The following PTPRG variants were observed in gnomAD, a reference collection of about 807,000 sequenced individuals.
PTPRG encodes the protein receptor-type tyrosine-protein phosphatase gamma.
A neutral mutation model predicts 165.3 loss-of-function variants in PTPRG; 102 were observed. The ratio of observed to expected loss-of-function variants is 0.62; its 90% CI spans 0.53 to 0.73. The LOEUF (loss-of-function observed/expected upper bound fraction) is 0.73, where lower values mean the gene tolerates loss of function less well. Among genes scored for constraint, PTPRG ranks in the 30% least tolerant of loss-of-function variants. PTPRG has a pLI of 0.00. For missense variants in PTPRG, 1,866 were observed against 1,861.4 expected, an observed-to-expected ratio of 1.00 and a Z score of -0.05; for synonymous variants, 675 against 669.5, an observed-to-expected ratio of 1.01 and a Z score of -0.13.
chr3:61,821,327 G>A (rs532726998), intron 2 of PTPRG, among the ~76,000 whole-genome samples: 1 of 151,890 alleles, frequency 6.6e-6, no homozygotes, highest in Non-Finnish European at 1.5e-5. Flanking sequence ...CTGCCACCTC[G>A]CCTGGCTACT....
chr3:61,994,565 C>G (rs1465704731), intron 3 of PTPRG, among the ~76,000 whole-genome samples: 2 of 152,102 alleles, frequency 1.3e-5, no homozygotes, highest in Non-Finnish European at 2.9e-5. Context: ...ATGGGGAAGT[C>G]AAGAGTCATT....
intron 4 of PTPRG, among the ~76,000 whole-genome samples, chr3:62,034,101 G>A (rs768500716): frequency 2.6e-5 from 4 of 152,146 alleles, no homozygotes; most frequent in Non-Finnish European, 5.9e-5. Context: ...GATAATACAA[G>A]CTAATACAGG....
chr3:62,129,401 G>A, intron 5 of PTPRG, among the ~76,000 whole-genome samples: 1 of 152,180 alleles, frequency 6.6e-6, no homozygotes, highest in Non-Finnish European at 1.5e-5. Flanking sequence ...GTCACAGAAT[G>A]CCACACTGGG....
At chr3:62,156,952 A>G in intron 6 of PTPRG, 115 bp from the exon 7 acceptor site, 1 of 955,642 alleles carries the variant, frequency 1.0e-6, no homozygotes, top group African/African-American at 1.6e-5. Context: ...TCAGGATATA[A>G]ACAAACATAA....
chr3:61,569,120 C>T (rs1020103591), intron 1 of PTPRG, among the ~76,000 whole-genome samples: 1 of 152,046 alleles, frequency 6.6e-6, no homozygotes, highest in Non-Finnish European at 1.5e-5. Flanking sequence ...TGAGAGTTGC[C>T]ATACTATTTT....
At chr3:61,946,290 G>A (rs915548862) in intron 2 of PTPRG, among the ~76,000 whole-genome samples, 9 of 152,160 alleles carry the variant, frequency 5.9e-5, no homozygotes, top group Admixed American at 1.3e-4. Context: ...ACAATTGGCA[G>A]GAGCTGAGAA....
chr3:62,035,693 A>G (rs1200152818), intron 4 of PTPRG, among the ~76,000 whole-genome samples: 2 of 152,238 alleles, frequency 1.3e-5, no homozygotes, highest in Non-Finnish European at 2.9e-5. Context: ...AAAAGCAAGC[A>G]CATTGGAAAC....
chr3:61,814,944 C>A (rs920238642), intron 2 of PTPRG, among the ~76,000 whole-genome samples: 7 of 151,764 alleles, frequency 4.6e-5, no homozygotes, highest in African/African-American at 1.7e-4. Flanking sequence ...CTTAGAGTGG[C>A]CAGTGGTAGA....
rs1702264773 is a variant in PTPRG at position 61,648,448 on chromosome 3, C to T, written c.85+86076C>T. 1.3e-5 allele frequency among the ~76,000 whole-genome samples: 2 copies of T among 152,350 alleles called. 1 individual carries two copies. Among genetic ancestry groups the T allele is most frequent in the Admixed American group, 1.3e-4 (2 of 15,306 alleles). The stretch of plus-strand genomic sequence containing the variant: ...TTGCTCCTACCAGGCTACACATTTT[C>T]ACCCGAGGGGAAATGAAAACTGGGC... On this transcript the variant is annotated intron_variant, in intron 1 of 29. Coordinates refer to ENST00000474889, the MANE Select transcript of PTPRG (RefSeq NM_002841.4).
At chr3:62,267,322 T>C (rs1158394868) in intron 17 of PTPRG, 88 bp from the exon 18 acceptor site, 5 of 1,002,268 alleles carry the variant, frequency 5.0e-6, no homozygotes, top group Non-Finnish European at 7.6e-6. Context: ...GATGTCATGT[T>C]ACCTGATTGC....
chr3:61,744,879 G>C (rs1249569580), intron 1 of PTPRG, among the ~76,000 whole-genome samples: 1 of 151,944 alleles, frequency 6.6e-6, no homozygotes, highest in Non-Finnish European at 1.5e-5. Flanking sequence ...GTTTGTGATA[G>C]GTGGGCAGTG....
chr3:61,564,137 T>A (rs544149585), intron 1 of PTPRG, among the ~76,000 whole-genome samples: 61 of 152,318 alleles, frequency 4.0e-4, no homozygotes, highest in South Asian at 8.3e-4. Flanking sequence ...TAGAAACAGC[T>A]GCCTTCATTC....
intron 11 of PTPRG, among the ~76,000 whole-genome samples, chr3:62,202,254 C>T (rs9826860): frequency 0.16 from 24,593 of 151,996 alleles, 3,833 homozygotes; most frequent in African/African-American, 0.39. Context: ...AACCCCCAGA[C>T]TTGAGCCCCA....
rs567106313 is a variant in PTPRG, at chr3:61,594,553, C to T, written c.85+32181C>T. ...AGCACCCCCCATCTGCATACCACCTCCTCCATCCAATCAGTTATTTCTGCG... is the reference window on the plus strand; with the variant it reads ...AGCACCCCCCATCTGCATACCACCTTCTCCATCCAATCAGTTATTTCTGCG... On this transcript the variant is annotated intron_variant, in intron 1 of 29. Coordinates refer to ENST00000474889, the MANE Select transcript of PTPRG (RefSeq NM_002841.4). Among the ~76,000 whole-genome samples, 84 of 152,240 alleles carry T rather than the reference C, an allele frequency of 5.5e-4. 1 individual carries two copies. Among genetic ancestry groups the T allele is most frequent in the African/African-American group, 1.9e-3 (81 of 41,548 alleles).
chr3:62,126,590 G>C (rs1313490437), intron 5 of PTPRG, among the ~76,000 whole-genome samples: 1 of 152,150 alleles, frequency 6.6e-6, no homozygotes, highest in Non-Finnish European at 1.5e-5. Context: ...GATGATACAG[G>C]GCCATACCTT....
At chr3:61,864,283 C>T (rs2037348103) in intron 2 of PTPRG, among the ~76,000 whole-genome samples, 1 of 152,084 alleles carries the variant, frequency 6.6e-6, no homozygotes, top group African/African-American at 2.4e-5. Flanking sequence ...CCCAGGATTT[C>T]TATATGTACC....
Position 62,210,899 on chromosome 3 carries a change from G to C in PTPRG, c.2155+6949G>C, listed in dbSNP as rs1028994967. 7.2e-5 allele frequency among the ~76,000 whole-genome samples: 11 copies of C among 152,174 alleles called. No homozygotes were observed. The highest frequency in any genetic ancestry group is 1.6e-4 in the Non-Finnish European group (11 of 68,036). On this transcript the variant is annotated intron_variant, in intron 12 of 29. Coordinates refer to ENST00000474889, the MANE Select transcript of PTPRG (RefSeq NM_002841.4). The surrounding 1 kb of genome is among the most constrained non-coding windows in gnomAD (Gnocchi z 4.1). ...TTATTGGTGAGGCTTCCGGTCATCA[G>C]TAGGCTATTAGCAGGAAAGCTTTTG...
At chr3:61,774,539 A>G (rs1307472738) in intron 2 of PTPRG, among the ~76,000 whole-genome samples, 1 of 152,232 alleles carries the variant, frequency 6.6e-6, no homozygotes, top group Non-Finnish European at 1.5e-5. Context: ...GAAGGCCACA[A>G]AGACTCTGGC....
chr3:61,760,693 A>G lies in PTPRG; in HGVS notation c.190+11711A>G, dbSNP rs565526584. Reference sequence around the variant, plus strand: ...GTGCGCCTGGTGATTTGCTGCACCTATCAACCCATCACCTGGGTATTAAGC... The same window carrying G: ...GTGCGCCTGGTGATTTGCTGCACCTGTCAACCCATCACCTGGGTATTAAGC... On this transcript the variant is annotated intron_variant, in intron 2 of 29. Transcript: ENST00000474889. 4.7e-4 allele frequency among the ~76,000 whole-genome samples: 71 copies of G among 152,288 alleles called. 1 individual carries two copies. The South Asian group carries it at 0.013, about 28-fold the overall frequency.
Sources: allele counts gnomAD v4.1 joint callset (sites outside exome capture counted in the v4.1 genomes callset), GRCh38; gene constraint gnomAD v4.1.1; non-coding constraint Gnocchi (gnomAD v3.1); transcripts MANE v1.5; gene names NCBI Gene and HGNC (gene_info 2026-07-23, HGNC 2026-07-21).